CD163L1: variants seen among roughly 807,000 people sequenced by gnomAD.
The protein encoded by CD163L1 is scavenger receptor cysteine-rich type 1 protein M160.
A neutral mutation model predicts 165.4 loss-of-function variants in CD163L1; 124 were observed. The observed-to-expected ratio is 0.75, with a 90% CI of 0.65 to 0.87. The LOEUF (loss-of-function observed/expected upper bound fraction) is 0.87, where lower values mean the gene tolerates loss of function less well. CD163L1 is among the 40% of genes least tolerant of loss of function. CD163L1 has a pLI of 0.00. For missense variants in CD163L1, 1,525 were observed against 1,799.9 expected (o/e 0.85, Z 2.76); for synonymous variants, 585 against 662.2 (o/e 0.88, Z 1.79).
chr12:7,370,622 A>G (rs1947125483), intron 14 of CD163L1, among the ~76,000 whole-genome samples: 2 of 152,096 alleles, frequency 1.3e-5, no homozygotes, highest in African/African-American at 4.8e-5. Context: ...GTCATCCCCA[A>G]GTCCTCAAAC....
chr12:7,370,713 C>T (rs1051630172), intron 14 of CD163L1, among the ~76,000 whole-genome samples: 5 of 152,110 alleles, frequency 3.3e-5, no homozygotes, highest in Non-Finnish European at 5.9e-5. Context: ...CGTGTTAACT[C>T]TTTTCTCTCT....
In CD163L1 at chr12:7,432,450, G is replaced by T. The variant is rs201639541; in HGVS notation, c.732C>A (p.Cys244Ter). 11 of 1,613,518 alleles carry T rather than the reference G, an allele frequency of 6.8e-6. No individual in the cohort carries two copies. The highest frequency in any genetic ancestry group is 1.7e-5 in the Admixed American group (1 of 59,986). ...TTAATGTGACATCCTCATTGTGACT[G>T]CAGTCATGATTTCCCCATCCACGAT... ...CRHRGWGNHD[C>*]SHNEDVTLTC... is the part of the protein sequence containing the mutation. The change falls in exon 4 of 20, where the codon TGC becomes TGA. Residue 244 changes from cysteine (C) to a stop codon, truncating the protein, a stop_gained. Coordinates refer to ENST00000313599, the MANE Select transcript of CD163L1 (RefSeq NM_174941.6). LOFTEE classifies it high-confidence loss of function. This position sits in a 1 kb window ranked among gnomAD's most constrained non-coding sequence, Gnocchi z 4.2.
In CD163L1 at chr12:7,398,448, T is replaced by A. The variant is rs754964738; in HGVS notation, c.1545A>T (p.Lys515Asn). Reference protein sequence around the residue: ...WSTRNAAVVCKQLGCGKPLHV... With the variant: ...WSTRNAAVVCNQLGCGKPLHV... ...GCAAAGGCTTTCCACATCCCAATTG[T>A]TTACAAACAACAGCTGCATTCCTTG... Residue 515 changes from lysine (K) to asparagine (N), a missense_variant, in exon 7 of 20, where the codon AAA becomes AAT. Lys to Asn is a moderately conservative substitution (Grantham distance 94). Coordinates refer to ENST00000313599, the MANE Select transcript of CD163L1 (RefSeq NM_174941.6). The surrounding 1 kb of genome is among the most constrained non-coding windows in gnomAD (Gnocchi z 4.5). The A allele has an allele frequency of 6.2e-7, 1 of 1,614,076 alleles. No individual in the cohort carries two copies. Among genetic ancestry groups the A allele is most frequent in the Admixed American group, 1.7e-5 (1 of 60,018 alleles).
chr12:7,389,946 T>TTATA (rs1333218511), intron 8 of CD163L1, among the ~76,000 whole-genome samples: 54 of 126,834 alleles, frequency 4.3e-4, no homozygotes, highest in Non-Finnish European at 7.9e-4. Flanking sequence ...ATTAAACATT[T>TTATA]TATATATATA....
chr12:7,349,026 C>T (rs1464147876), intron 4 of CD163L1, among the ~76,000 whole-genome samples: 1 of 152,040 alleles, frequency 6.6e-6, no homozygotes, highest in East Asian at 1.9e-4. Context: ...ATCTGGATTT[C>T]TGTCCAAACC....
In CD163L1 at chr12:7,421,452, T is replaced by C. The variant is rs1459382389; in HGVS notation, c.766+10964A>G. 2.4e-5 allele frequency among the ~76,000 whole-genome samples: 3 copies of C among 122,596 alleles called. 1 individual carries two copies. The highest frequency in any genetic ancestry group is 6.8e-5 in the African/African-American group (2 of 29,338). The allele number at this position is 122,596 out of a possible 152,430, so 80.4% of individuals were successfully genotyped here. A position where few individuals can be genotyped will look rare whatever the true frequency, so the allele number is the denominator to read the frequency against. Reference sequence around the variant, plus strand: ...ATGTACATATATACATATACATATATGTACATATATACATATATATACATA... The same window carrying C: ...ATGTACATATATACATATACATATACGTACATATATACATATATATACATA... On this transcript the variant is annotated intron_variant, in intron 4 of 19. Coordinates refer to ENST00000313599, the MANE Select transcript of CD163L1 (RefSeq NM_174941.6).
intron 18 of CD163L1, among the ~76,000 whole-genome samples, chr12:7,361,780 A>AT (rs1946897595): frequency 1.3e-5 from 2 of 151,960 alleles, no homozygotes; most frequent in African/African-American, 4.8e-5. Context: ...GAGTCCCAAG[A>AT]TTTTTTTTAA....
chr12:7,414,782 C>T (rs1948204584), intron 4 of CD163L1, among the ~76,000 whole-genome samples: 2 of 152,026 alleles, frequency 1.3e-5, no homozygotes, highest in Admixed American at 6.6e-5. Context: ...ACCTTGCAAC[C>T]TAAGAGAGAG....
chr12:7,396,858 G>C (rs991236666), intron 7 of CD163L1, among the ~76,000 whole-genome samples: 74 of 150,104 alleles, frequency 4.9e-4, no homozygotes, highest in African/African-American at 1.1e-3. Flanking sequence ...CACACACACA[G>C]AGAGAGAGAG....
chr12:7,382,969 C>T (rs1458923338), intron 8 of CD163L1, among the ~76,000 whole-genome samples: 1 of 152,114 alleles, frequency 6.6e-6, no homozygotes, highest in East Asian at 1.9e-4. Flanking sequence ...AGGAGTGTTC[C>T]CCCATGATAA....
rs964613412 is a variant in CD163L1 at position 7,378,972 on chromosome 12, A to G, written c.2371+6T>C. On this transcript the variant is annotated splice_donor_region_variant and intron_variant, in intron 9 of 19. Transcript: ENST00000313599. ...ATAAATGTGTTTATCTTTGTCCAGAAATTACCTGAGCAGATCAAACTTGCT... is the reference window on the plus strand; with the variant it reads ...ATAAATGTGTTTATCTTTGTCCAGAGATTACCTGAGCAGATCAAACTTGCT... The G allele has an allele frequency of 6.3e-7, 1 of 1,593,448 alleles. No homozygotes were observed. The highest frequency in any genetic ancestry group is 8.6e-7 in the Non-Finnish European group (1 of 1,165,144).
intron 18 of CD163L1, among the ~76,000 whole-genome samples, chr12:7,366,019 A>G (rs1176188715): frequency 6.6e-6 from 1 of 152,132 alleles, no homozygotes; most frequent in East Asian, 1.9e-4. Context: ...GTGTCCCTTG[A>G]TGAATGAATG....
intron 8 of CD163L1, 100 bp from the exon 9 acceptor site, chr12:7,379,398 G>A (rs771454880): frequency 1.7e-6 from 2 of 1,205,148 alleles, no homozygotes; most frequent in South Asian, 3.4e-5. Context: ...GTGGCCAAAA[G>A]TTGAGAGATT....
At chr12:7,426,551 G>A (rs1021806065) in intron 4 of CD163L1, among the ~76,000 whole-genome samples, 9 of 152,104 alleles carry the variant, frequency 5.9e-5, no homozygotes, top group African/African-American at 1.7e-4. Flanking sequence ...TGGATACAGT[G>A]TACACTGCTC....
At chr12:7,379,523 A>G (rs1947342541) in intron 8 of CD163L1, among the ~76,000 whole-genome samples, 3 of 152,220 alleles carry the variant, frequency 2.0e-5, no homozygotes, top group Non-Finnish European at 4.4e-5. Flanking sequence ...GGTATGTTTC[A>G]ATCCATGAAC....
chr12:7,432,469 C>A lies in CD163L1; in HGVS notation c.713G>T (p.Gly238Val). The change falls in exon 4 of 20, where the codon GGA (glycine) becomes GTA (valine). Residue 238 changes from glycine to valine, a missense_variant. By Grantham distance (109) the Gly-to-Val change is moderately radical (BLOSUM62 -3). Coordinates refer to ENST00000313599, the MANE Select transcript of CD163L1 (RefSeq NM_174941.6). The surrounding 1 kb of genome is among the most constrained non-coding windows in gnomAD (Gnocchi z 4.2). ...GTGACTGCAGTCATGATTTCCCCAT[C>A]CACGATGTCTGCAATTCCAGAGTGC... is the stretch of plus-strand genomic sequence containing the variant. ...ELALWNCRHRGWGNHDCSHNE... is the reference protein window; with the variant it reads ...ELALWNCRHRVWGNHDCSHNE... The A allele has an allele frequency of 6.2e-7, 1 of 1,614,136 alleles. No individual in the cohort carries two copies. Among genetic ancestry groups the A allele is most frequent in the Non-Finnish European group, 8.5e-7 (1 of 1,180,016 alleles).
chr12:7,440,087 A>G (rs1948801475), intron 2 of CD163L1: 2 of 972,758 alleles, frequency 2.1e-6, no homozygotes, highest in Admixed American at 4.1e-5. Context: ...TCAGCGGCGT[A>G]ACGGAAGCCG....
chr12:7,338,558 GAA>G, the CD163L1 span, among the ~76,000 whole-genome samples: 2 of 152,130 alleles, frequency 1.3e-5, no homozygotes, highest in Non-Finnish European at 2.9e-5. Context: ...GAAGTCTAGG[GAA>G]ACAGGCCCTT....
chr12:7,412,628 G>C (rs1418183442), intron 4 of CD163L1, among the ~76,000 whole-genome samples: 1 of 151,906 alleles, frequency 6.6e-6, no homozygotes, highest in Non-Finnish European at 1.5e-5. Context: ...AGTATAAAAA[G>C]AGGAAGATCA....
Sources: gnomAD v4.1 joint callset for allele counts (sites outside exome capture counted in the v4.1 genomes callset) on GRCh38, gnomAD v4.1.1 for gene constraint, Gnocchi (gnomAD v3.1) non-coding constraint, MANE v1.5 for transcripts, NCBI Gene and HGNC (gene_info 2026-07-23, HGNC 2026-07-21) for gene names.